RORA: variants seen among roughly 807,000 people sequenced by gnomAD.
The protein encoded by RORA is nuclear receptor ROR-alpha.
RORA carries 7 observed loss-of-function variants against 69.5 expected under a neutral mutation model. The ratio of observed to expected loss-of-function variants is 0.10; its 90% CI spans 0.06 to 0.19. The LOEUF (loss-of-function observed/expected upper bound fraction) is 0.19, where lower values mean the gene tolerates loss of function less well. Among genes scored for constraint, RORA ranks in the 10% least tolerant of loss-of-function variants. The pLI is 1.00. For missense variants in RORA, 457 were observed against 663.0 expected (o/e 0.69, Z 3.41); for synonymous variants, 261 against 240.8 (o/e 1.08, Z -0.78).
chr15:61,023,263 G>A (rs1006378430), intron 1 of RORA, among the ~76,000 whole-genome samples: 3 of 150,218 alleles, frequency 2.0e-5, no homozygotes, highest in Non-Finnish European at 4.4e-5. Context: ...AGACATACCT[G>A]AGACTGGGGA....
At chr15:60,789,852 A>G (rs2072390476) in intron 1 of RORA, among the ~76,000 whole-genome samples, 1 of 152,212 alleles carries the variant, frequency 6.6e-6, no homozygotes, top group African/African-American at 2.4e-5. Context: ...CAAGCATTCA[A>G]TAAATATAGG....
intron 1 of RORA, among the ~76,000 whole-genome samples, chr15:61,200,143 G>A (rs773400695): frequency 9.2e-5 from 14 of 152,232 alleles, no homozygotes; most frequent in Admixed American, 2.0e-4. Flanking sequence ...CAAAGTTGTG[G>A]TAAGGACTGG....
chr15:61,090,855 C>G (rs540677629), intron 1 of RORA, among the ~76,000 whole-genome samples: 4 of 152,106 alleles, frequency 2.6e-5, no homozygotes, highest in Admixed American at 2.6e-4. Flanking sequence ...TTGTCACCCC[C>G]AAAACGCCCC....
intron 1 of RORA, among the ~76,000 whole-genome samples, chr15:60,878,307 G>A (rs182956805): frequency 7.5e-6 from 1 of 133,006 alleles, no homozygotes; most frequent in Admixed American, 8.5e-5. Flanking sequence ...TCGCGGCATT[G>A]CACTCCAGCC....
chr15:60,954,005 C>T (rs980064112), intron 1 of RORA, among the ~76,000 whole-genome samples: 20 of 151,640 alleles, frequency 1.3e-4, no homozygotes, highest in African/African-American at 2.2e-4. Flanking sequence ...CTGTTTATTG[C>T]GGCATTATTC....
chr15:61,189,304 C>A (rs746757282), intron 1 of RORA, among the ~76,000 whole-genome samples: 1 of 152,152 alleles, frequency 6.6e-6, no homozygotes, highest in African/African-American at 2.4e-5. Context: ...TAATGGAGAA[C>A]GACAAAGGAG....
chr15:61,093,675 T>C (rs1273110213), intron 1 of RORA, among the ~76,000 whole-genome samples: 2 of 152,216 alleles, frequency 1.3e-5, no homozygotes, highest in African/African-American at 4.8e-5. Context: ...AAAGCACCTT[T>C]CACATCAACC....
At chr15:60,832,792 G>A (rs2073059575) in intron 1 of RORA, among the ~76,000 whole-genome samples, 1 of 152,178 alleles carries the variant, frequency 6.6e-6, no homozygotes, top group Non-Finnish European at 1.5e-5. Flanking sequence ...TTATAGGACT[G>A]AAGTCCGAGG....
chr15:61,184,524 G>C (rs1008508203), intron 1 of RORA, among the ~76,000 whole-genome samples: 1 of 152,156 alleles, frequency 6.6e-6, no homozygotes, highest in Non-Finnish European at 1.5e-5. Context: ...TTCGGTAGTT[G>C]TAACACTTAA....
intron 2 of RORA, among the ~76,000 whole-genome samples, chr15:60,540,574 C>CCCCCCCCCG (rs1555428642): frequency 8.8e-5 from 9 of 102,656 alleles, no homozygotes; most frequent in South Asian, 3.0e-4. Context: ...ACCCCCCCCC[C>CCCCCCCCCG]CCAAAACTGT....
At chr15:60,843,797 GTC>G (rs2073231072) in intron 1 of RORA, among the ~76,000 whole-genome samples, 1 of 152,186 alleles carries the variant, frequency 6.6e-6, no homozygotes, top group South Asian at 2.1e-4. Context: ...GTCCGTGAAT[GTC>G]TCTTTTTGCT....
intron 1 of RORA, among the ~76,000 whole-genome samples, chr15:61,132,624 T>C (rs2079201281): frequency 6.6e-6 from 1 of 152,238 alleles, no homozygotes; most frequent in African/African-American, 2.4e-5. Flanking sequence ...ACTTAGGGTT[T>C]GTTCTTTAGC....
intron 1 of RORA, among the ~76,000 whole-genome samples, chr15:60,838,893 C>CACACA (rs2073158115): frequency 7.2e-6 from 1 of 139,398 alleles, no homozygotes; most frequent in Non-Finnish European, 1.5e-5. Context: ...CACACATATA[C>CACACA]TTTTTTTTTT....
chr15:60,838,609 G>C (rs1255067376), intron 1 of RORA, among the ~76,000 whole-genome samples: 1 of 152,182 alleles, frequency 6.6e-6, no homozygotes, highest in African/African-American at 2.4e-5. Flanking sequence ...GGTTCATGGG[G>C]AACCCCACTC....
chr15:60,566,292 A>G (rs2140437577), intron 2 of RORA, among the ~76,000 whole-genome samples: 1 of 152,316 alleles, frequency 6.6e-6, no homozygotes, highest in East Asian at 1.9e-4. Flanking sequence ...TCATCACTCA[A>G]GTTTTCCTTT....
chr15:60,927,291 A>T (rs1316208941), intron 1 of RORA, among the ~76,000 whole-genome samples: 1 of 152,224 alleles, frequency 6.6e-6, no homozygotes, highest in East Asian at 1.9e-4. Context: ...CCTATGCGAT[A>T]TGGAATGGAG....
At chr15:60,565,411 A>G (rs1399219915) in intron 2 of RORA, among the ~76,000 whole-genome samples, 1 of 152,216 alleles carries the variant, frequency 6.6e-6, no homozygotes, top group African/African-American at 2.4e-5. Flanking sequence ...TCATTAGCAG[A>G]GACATTTGGA....
chr15:60,630,753 A>G (rs2069717720), intron 2 of RORA: 1 of 152,282 alleles, frequency 6.6e-6, no homozygotes, highest in South Asian at 2.1e-4. Flanking sequence ...CTCCTTAGAG[A>G]TATAGGGCTA....
chr15:61,085,904 G>GA (rs2140681508), intron 1 of RORA, among the ~76,000 whole-genome samples: 1 of 152,328 alleles, frequency 6.6e-6, no homozygotes, highest in Non-Finnish European at 1.5e-5. Context: ...TTATAAAACA[G>GA]AAACAAGTTG....
Sources: gnomAD v4.1 joint callset for allele counts (sites outside exome capture counted in the v4.1 genomes callset) on GRCh38, gnomAD v4.1.1 for gene constraint, MANE v1.5 for transcripts, NCBI Gene and HGNC (gene_info 2026-07-23, HGNC 2026-07-21) for gene names.